The following SNTG1 variants were observed in gnomAD, a reference collection of about 807,000 sequenced individuals.
The protein encoded by SNTG1 is syntrophin gamma 1, also known as gamma-1-syntrophin.
A neutral mutation model predicts 74.7 loss-of-function variants in SNTG1; 39 were observed. The ratio of observed to expected loss-of-function variants is 0.52; its 90% CI spans 0.40 to 0.68. SNTG1 has a LOEUF of 0.68. Ranked by LOEUF, SNTG1 falls within the 30% of genes least tolerant of loss-of-function variation. The pLI is 0.00. For synonymous variants in SNTG1, 254 were observed against 217.1 expected, an observed-to-expected ratio of 1.17 and a Z score of -1.49; for missense variants, 685 against 609.5, an observed-to-expected ratio of 1.12 and a Z score of -1.30.
chr8:50,677,512 C>A (rs991100091), intron 15 of SNTG1, among the ~76,000 whole-genome samples: 1 of 151,862 alleles, frequency 6.6e-6, no homozygotes, highest in Admixed American at 6.6e-5. Flanking sequence ...ACTTTTAATG[C>A]TCTATTTAGC....
chr8:50,262,611 A>T (rs1186613263), intron 2 of SNTG1, among the ~76,000 whole-genome samples: 1 of 152,040 alleles, frequency 6.6e-6, no homozygotes, highest in East Asian at 1.9e-4. Context: ...GGGTTTCACC[A>T]TGTTAGCCAG....
At chr8:50,694,260 A>T (rs950696678) in intron 15 of SNTG1, among the ~76,000 whole-genome samples, 12 of 152,062 alleles carry the variant, frequency 7.9e-5, no homozygotes, top group African/African-American at 2.9e-4. Context: ...ATGAAATATT[A>T]CATCTGATAC....
At chr8:49,972,422 A>T (rs1404687574) in intron 1 of SNTG1, among the ~76,000 whole-genome samples, 3 of 152,326 alleles carry the variant, frequency 2.0e-5, no homozygotes, top group African/African-American at 4.8e-5. Context: ...CCTAGAAGAA[A>T]ACCTAGGCAA....
At chr8:50,613,398 G>T (rs2094864678) in intron 13 of SNTG1, among the ~76,000 whole-genome samples, 1 of 152,068 alleles carries the variant, frequency 6.6e-6, no homozygotes, top group Admixed American at 6.6e-5. Context: ...CCCTTAGAGG[G>T]CAATGATAAA....
At chr8:50,106,331 G>A (rs1313749677) in intron 1 of SNTG1, among the ~76,000 whole-genome samples, 1 of 151,992 alleles carries the variant, frequency 6.6e-6, no homozygotes, top group East Asian at 1.9e-4. Context: ...TAACATGGGG[G>A]GAATCCACCT....
At chr8:50,119,149 T>C (rs2080918439) in intron 1 of SNTG1, among the ~76,000 whole-genome samples, 1 of 141,658 alleles carries the variant, frequency 7.1e-6, no homozygotes, top group Non-Finnish European at 1.6e-5. Context: ...ATTTTCTTTT[T>C]TCAGTGTGCC....
chr8:50,501,631 T>G (rs2093957744), intron 8 of SNTG1, among the ~76,000 whole-genome samples: 1 of 147,962 alleles, frequency 6.8e-6, no homozygotes, highest in Non-Finnish European at 1.5e-5. Flanking sequence ...TTTTTTTTTG[T>G]ATTTTTAGCA....
At chr8:50,740,543 A>G (rs1271070712) in intron 17 of SNTG1, among the ~76,000 whole-genome samples, 1 of 152,128 alleles carries the variant, frequency 6.6e-6, no homozygotes, top group Non-Finnish European at 1.5e-5. Context: ...GGTTGGTGGG[A>G]GTATAAATTA....
At chr8:50,780,795 T>A (rs995761593) in intron 18 of SNTG1, among the ~76,000 whole-genome samples, 2 of 152,208 alleles carry the variant, frequency 1.3e-5, no homozygotes, top group African/African-American at 4.8e-5. Context: ...ATTGTGATGT[T>A]AGGGTGTCAA....
At chr8:50,670,724 C>T (rs1250285315) in intron 15 of SNTG1, among the ~76,000 whole-genome samples, 1 of 146,028 alleles carries the variant, frequency 6.8e-6, no homozygotes, top group African/African-American at 2.6e-5. Flanking sequence ...AAAAAGAGCC[C>T]GCATCACCAA....
intron 1 of SNTG1, among the ~76,000 whole-genome samples, chr8:50,098,411 T>C (rs780084659): frequency 1.3e-5 from 2 of 152,214 alleles, no homozygotes; most frequent in African/African-American, 2.4e-5. Flanking sequence ...ACTTTTTCCT[T>C]GTCATTATTC....
chr8:50,145,535 C>A (rs948607600), intron 1 of SNTG1, among the ~76,000 whole-genome samples: 1 of 152,102 alleles, frequency 6.6e-6, no homozygotes, highest in African/African-American at 2.4e-5. Flanking sequence ...CTTTTGTAGA[C>A]TTACTCAAGA....
chr8:50,494,091 GA>G (rs1219270765), intron 8 of SNTG1, among the ~76,000 whole-genome samples: 2 of 150,848 alleles, frequency 1.3e-5, no homozygotes, highest in Non-Finnish European at 3.0e-5. Context: ...ATCTTTAATT[GA>G]AGGGAGAAAC....
chr8:50,499,764 A>G (rs2093935377), intron 8 of SNTG1, among the ~76,000 whole-genome samples: 1 of 151,862 alleles, frequency 6.6e-6, no homozygotes, highest in Admixed American at 6.6e-5. Flanking sequence ...AATATTGACA[A>G]ATATTTTTTG....
intron 2 of SNTG1, among the ~76,000 whole-genome samples, chr8:50,254,453 T>A (rs1056227284): frequency 6.6e-6 from 1 of 152,210 alleles, no homozygotes; most frequent in African/African-American, 2.4e-5. Context: ...AATTCACATT[T>A]AAACTCCTTG....
intron 18 of SNTG1, among the ~76,000 whole-genome samples, chr8:50,787,819 A>C (rs1317933754): frequency 1.3e-5 from 2 of 152,058 alleles, no homozygotes; most frequent in Non-Finnish European, 2.9e-5. Context: ...ACAAAAAAAT[A>C]ATGCTTATCA....
At chr8:50,013,421 A>T (rs777393334) in intron 1 of SNTG1, among the ~76,000 whole-genome samples, 1 of 151,876 alleles carries the variant, frequency 6.6e-6, no homozygotes, top group African/African-American at 2.4e-5. Flanking sequence ...ATTTTGTAAA[A>T]CTTTCTTTTC....
At chr8:50,375,213 T>G (rs2092352387) in intron 2 of SNTG1, among the ~76,000 whole-genome samples, 1 of 152,064 alleles carries the variant, frequency 6.6e-6, no homozygotes, top group African/African-American at 2.4e-5. Context: ...ATTACTGACT[T>G]TTGTGGACAT....
In SNTG1 at chr8:50,225,339, C is replaced by G. The variant is rs556733761; in HGVS notation, c.-28+52704C>G. Among the ~76,000 whole-genome samples, 13 of 152,280 alleles carry G rather than the reference C, an allele frequency of 8.5e-5. 1 individual carries two copies. The highest frequency in any genetic ancestry group is 2.4e-4 in the African/African-American group (10 of 41,554). ...AATAAGAACCTTGGTCTCCACAACC[C>G]CTTATCTTAACCCAGACACTTATTT... On this transcript the variant is annotated intron_variant, in intron 2 of 18. Transcript: ENST00000642720.
Sources: allele counts gnomAD v4.1 joint callset (sites outside exome capture counted in the v4.1 genomes callset), GRCh38; gene constraint gnomAD v4.1.1; transcripts MANE v1.5; gene names NCBI Gene and HGNC (gene_info 2026-07-23, HGNC 2026-07-21).